Variants in ABAT observed in about 807,000 individuals in gnomAD.
ABAT encodes the protein 4-aminobutyrate aminotransferase, mitochondrial.
In ABAT, 45 loss-of-function variants were observed where a neutral mutation model predicts 64.6. That is an observed-to-expected ratio of 0.70 (90% CI 0.55 to 0.89). The LOEUF is 0.89. Ranked by LOEUF, ABAT falls within the 40% of genes least tolerant of loss-of-function variation. ABAT has a pLI of 0.00. For missense variants in ABAT, 633 were observed against 658.4 expected (o/e 0.96, Z 0.42); for synonymous variants, 297 against 250.5 (o/e 1.19, Z -1.75).
chr16:8,685,048 G>A (rs1398351674), intron 1 of ABAT, among the ~76,000 whole-genome samples: 3 of 152,114 alleles, frequency 2.0e-5, no homozygotes, highest in Non-Finnish European at 4.4e-5. Flanking sequence ...ACTTTGGGAG[G>A]CCGAGGTGGA....
At chr16:8,711,653 T>A (rs2058071433) in intron 1 of ABAT, among the ~76,000 whole-genome samples, 1 of 145,110 alleles carries the variant, frequency 6.9e-6, no homozygotes, top group Non-Finnish European at 1.5e-5. Flanking sequence ...TGAGTGTCCA[T>A]GAGCTCTCCC....
intron 6 of ABAT, among the ~76,000 whole-genome samples, chr16:8,761,154 C>T (rs1343884104): frequency 6.6e-6 from 1 of 152,008 alleles, no homozygotes; most frequent in Non-Finnish European, 1.5e-5. Context: ...ACAGTACTAC[C>T]CTGTCCCTGC....
At chr16:8,763,236 C>T (rs1390768253) in intron 6 of ABAT, among the ~76,000 whole-genome samples, 3 of 152,152 alleles carry the variant, frequency 2.0e-5, no homozygotes, top group East Asian at 1.9e-4. Context: ...AACCTAGATC[C>T]GAGTTGTGGT....
intron 4 of ABAT, 61 bp downstream of exon 4, chr16:8,748,198 C>T: frequency 1.4e-6 from 2 of 1,478,516 alleles, no homozygotes; most frequent in Non-Finnish European, 1.9e-6. Flanking sequence ...AGCTAAAAGA[C>T]AGATGCTTAA....
At chr16:8,761,559 C>T (rs2059798404) in intron 6 of ABAT, among the ~76,000 whole-genome samples, 1 of 152,244 alleles carries the variant, frequency 6.6e-6, no homozygotes, top group Non-Finnish European at 1.5e-5. Flanking sequence ...CGTTCTCCGT[C>T]CCAGTCTGGG....
chr16:8,676,095 A>T (rs2057194093), intron 1 of ABAT, among the ~76,000 whole-genome samples: 1 of 151,942 alleles, frequency 6.6e-6, no homozygotes, highest in Admixed American at 6.6e-5. Flanking sequence ...GAGGCAGGAG[A>T]GAGGGAGGCA....
chr16:8,730,179 G>C (rs988460291), intron 1 of ABAT, among the ~76,000 whole-genome samples: 1 of 152,170 alleles, frequency 6.6e-6, no homozygotes, highest in Non-Finnish European at 1.5e-5. Context: ...CAAGTGCCCA[G>C]TACTTGATGA....
At chr16:8,744,492 C>G (rs549215282) in intron 2 of ABAT, among the ~76,000 whole-genome samples, 1 of 151,888 alleles carries the variant, frequency 6.6e-6, no homozygotes, top group South Asian at 2.1e-4. Context: ...CTCAGCCTCC[C>G]TAGTAGCTGG....
chr16:8,716,564 T>G (rs1206728878), intron 1 of ABAT, among the ~76,000 whole-genome samples: 1 of 152,214 alleles, frequency 6.6e-6, no homozygotes, highest in Non-Finnish European at 1.5e-5. Flanking sequence ...CAGGGTCCCG[T>G]GTTCAGAAGA....
intron 1 of ABAT, among the ~76,000 whole-genome samples, chr16:8,678,286 C>T (rs2057251020): frequency 1.3e-5 from 2 of 152,104 alleles, no homozygotes; most frequent in Admixed American, 6.5e-5. Context: ...CTTAAGCGAT[C>T]CTCCCGCCTT....
At chr16:8,676,236 A>C (rs1314914100) in intron 1 of ABAT, among the ~76,000 whole-genome samples, 2 of 152,158 alleles carry the variant, frequency 1.3e-5, no homozygotes, top group Non-Finnish European at 2.9e-5. Context: ...AAGACCTAAA[A>C]GGGCTTCTGC....
At chr16:8,682,483 A>G (rs2057358394) in intron 1 of ABAT, among the ~76,000 whole-genome samples, 1 of 152,146 alleles carries the variant, frequency 6.6e-6, no homozygotes, top group Admixed American at 6.5e-5. Flanking sequence ...GAATCCCCTC[A>G]AGAGCTTGTT....
intron 9 of ABAT, among the ~76,000 whole-genome samples, chr16:8,767,233 T>C (rs892123394): frequency 2.6e-5 from 4 of 152,204 alleles, no homozygotes; most frequent in African/African-American, 9.6e-5. Flanking sequence ...GCCATTTGCT[T>C]GGGGCTGGAA....
At chr16:8,752,524 C>G (rs897177493) in intron 5 of ABAT, among the ~76,000 whole-genome samples, 5 of 152,094 alleles carry the variant, frequency 3.3e-5, no homozygotes, top group Admixed American at 1.3e-4. Context: ...TTTGGGAGGC[C>G]AAGGGAAGAG....
intron 1 of ABAT, chr16:8,731,324 G>A (rs1275580248): frequency 6.6e-6 from 1 of 152,180 alleles, no homozygotes; most frequent in Admixed American, 6.6e-5. Flanking sequence ...ACAGGTCAGT[G>A]ATAAACTTCT....
At chr16:8,741,512 G>T (rs952852975) in intron 2 of ABAT, among the ~76,000 whole-genome samples, 6 of 152,196 alleles carry the variant, frequency 3.9e-5, no homozygotes, top group African/African-American at 1.4e-4. Flanking sequence ...ATAGGAGTTT[G>T]TGAGAATTAA....
chr16:8,733,693 A>C (rs952803401), intron 1 of ABAT, among the ~76,000 whole-genome samples: 2 of 151,840 alleles, frequency 1.3e-5, no homozygotes, highest in East Asian at 1.9e-4. Flanking sequence ...TGGCGGCGTG[A>C]GGCTGCAATC....
In ABAT at chr16:8,781,344, C is replaced by A. The variant is rs748530728; in HGVS notation, c.1417C>A (p.Arg473Ser). 6.2e-7 allele frequency: 1 copy of A among 1,614,156 alleles called. No homozygotes were observed. The highest frequency in any genetic ancestry group is 8.5e-7 in the Non-Finnish European group (1 of 1,180,026). ...VLGGCGDKSI[R>S]FRPTLVFRDH... is the part of the protein sequence containing the mutation. The stretch of plus-strand genomic sequence containing the variant: ...GGGTGGCTGTGGTGACAAATCCATT[C>A]GTTTCCGTCCCACGCTGGTCTTCAG... The change falls in exon 16 of 16, where the codon CGT (arginine) becomes AGT (serine). Residue 473 changes from arginine to serine, a missense_variant. By Grantham distance (110) the Arg-to-Ser change is moderately radical (BLOSUM62 -1). Coordinates refer to ENST00000268251, the MANE Select transcript of ABAT (RefSeq NM_020686.6). This position sits in a 1 kb window ranked among gnomAD's most constrained non-coding sequence, Gnocchi z 4.5.
At chr16:8,708,205 A>C (rs2057991480) in intron 1 of ABAT, among the ~76,000 whole-genome samples, 1 of 152,152 alleles carries the variant, frequency 6.6e-6, no homozygotes, top group South Asian at 2.1e-4. Context: ...GTTTATTATC[A>C]GTTCTGAAGG....
Sources: gnomAD v4.1 joint callset for allele counts (sites outside exome capture counted in the v4.1 genomes callset) on GRCh38, gnomAD v4.1.1 for gene constraint, Gnocchi (gnomAD v3.1) non-coding constraint, MANE v1.5 for transcripts, NCBI Gene and HGNC (gene_info 2026-07-23, HGNC 2026-07-21) for gene names.